BCL2L10: variants seen among roughly 807,000 people sequenced by gnomAD.
BCL2L10 encodes the protein BCL2 like 10.
In BCL2L10, 14 loss-of-function variants were observed where a neutral mutation model predicts 11.1. The ratio of observed to expected loss-of-function variants is 1.26; its 90% CI spans 0.83 to 1.96. The LOEUF is 1.96. Ranked by LOEUF, BCL2L10 falls within the 30% of genes most tolerant of loss-of-function variation. The probability of loss-of-function intolerance (pLI) is 0.00; values close to 1 mark genes in which losing one functional copy is unlikely to be tolerated. For missense variants in BCL2L10, 309 were observed against 273.9 expected (o/e 1.13, Z -0.90); for synonymous variants, 154 against 133.4 (o/e 1.15, Z -1.07).
chr15:52,111,173 A>AACACACACACACAC (rs71130130), intron 1 of BCL2L10, among the ~76,000 whole-genome samples: 4,098 of 121,664 alleles, frequency 0.034, 115 homozygotes, highest in Admixed American at 0.041. Context: ...CTCTACTGAA[A>AACACACACACACAC]ACACACACAC....
At chr15:52,111,463 C>T (rs1476969761) in intron 1 of BCL2L10, among the ~76,000 whole-genome samples, 1 of 152,152 alleles carries the variant, frequency 6.6e-6, no homozygotes, top group Non-Finnish European at 1.5e-5. Flanking sequence ...CTATAGGTAT[C>T]CGATAACATG....
chr15:52,112,188 T>C lies in BCL2L10; in HGVS notation c.489+50A>G, dbSNP rs887154551. The C allele has an allele frequency of 1.7e-5, 24 of 1,429,274 alleles. No homozygotes were observed. In the African/African-American group the frequency reaches 3.4e-4, roughly 20 times the overall value. 88.5% of individuals were successfully genotyped at this position (1,429,274 alleles called of 1,614,324 possible). ...CTCACCGTGCCAGCCTCGTGGGCGC[T>C]TCCCGGCTGCCCGTCCCGCCCCGTG... On this transcript the variant is annotated intron_variant, in intron 1 of 1. Transcript: ENST00000260442.
At chr15:52,110,854 G>C (rs1265740929) in intron 1 of BCL2L10, among the ~76,000 whole-genome samples, 1 of 152,198 alleles carries the variant, frequency 6.6e-6, no homozygotes, top group Non-Finnish European at 1.5e-5. Context: ...GGTACAGAGA[G>C]CCCGGAGGGG....
Position 52,109,913 on chromosome 15 carries a change from C to T in BCL2L10, c.550G>A (p.Val184Ile). 6.2e-7 allele frequency: 1 copy of T among 1,613,694 alleles called. No homozygotes were observed. The highest frequency in any genetic ancestry group is 8.5e-7 in the Non-Finnish European group (1 of 1,179,788). The stretch of plus-strand genomic sequence containing the variant: ...AACAAGCATGACAGAAAAGCCTGGA[C>T]CAGCTGTTTTCTCCAAAAAGCCAGT... ...FPLAFWRKQLVQAFLSCLLTT... is the reference protein window; with the variant it reads ...FPLAFWRKQLIQAFLSCLLTT... Residue 184 changes from valine to isoleucine, a missense_variant, in exon 2 of 2, where the codon GTC becomes ATC. By Grantham distance (29) the Val-to-Ile change is conservative. Coordinates refer to ENST00000260442, the MANE Select transcript of BCL2L10 (RefSeq NM_020396.4).
In BCL2L10 at chr15:52,112,285, G is replaced by A. The variant is rs751413041; in HGVS notation, c.442C>T (p.Arg148Trp). 16 of 1,552,380 alleles carry A rather than the reference G, an allele frequency of 1.0e-5. No individual in the cohort carries two copies. The South Asian group carries it at 1.9e-4, about 18-fold the overall frequency. The change falls in exon 1 of 2, where the codon CGG (arginine) becomes TGG (tryptophan). Residue 148 changes from arginine to tryptophan, a missense_variant. Coordinates refer to ENST00000260442, the MANE Select transcript of BCL2L10 (RefSeq NM_020396.4). ...CQRLVALLSSRLMGQHRAWLQ... is the reference protein window; with the variant it reads ...CQRLVALLSSWLMGQHRAWLQ... The stretch of plus-strand genomic sequence containing the variant: ...CAGGCGCGGTGCTGCCCCATGAGCC[G>A]CGAGCTCAGCAAGGCCACCAGGCGC...
chr15:52,112,071 C>A, intron 1 of BCL2L10, 167 bp downstream of exon 1: 1 of 1,305,964 alleles, frequency 7.7e-7, no homozygotes, highest in Non-Finnish European at 9.9e-7. Flanking sequence ...GGAGGAGAAA[C>A]CCCAGACTTC....
intron 1 of BCL2L10, 84 bp downstream of exon 1, chr15:52,112,154 G>C: frequency 1.4e-6 from 2 of 1,399,862 alleles, no homozygotes; most frequent in Non-Finnish European, 1.8e-6. Context: ...GGCCTGGCGC[G>C]GTGGGTTCCT....
rs943269795 is a variant in BCL2L10 at position 52,112,124 on chromosome 15, T to C, written c.489+114A>G. ...CCCGCTGAAACGAGCCTTTCTGCTT[T>C]CACGAAACCTCGTTCCAGGGGCCTG... On this transcript the variant is annotated intron_variant, in intron 1 of 1. Transcript: ENST00000260442. 3.7e-5 allele frequency: 51 copies of C among 1,390,134 alleles called. No individual in the cohort carries two copies. The Admixed American group carries it at 1.1e-3, about 31-fold the overall frequency. 86.1% of individuals were successfully genotyped at this position (1,390,134 alleles called of 1,614,324 possible).
At chr15:52,111,927 G>T (rs998208594) in intron 1 of BCL2L10, among the ~76,000 whole-genome samples, 1 of 152,206 alleles carries the variant, frequency 6.6e-6, no homozygotes, top group Non-Finnish European at 1.5e-5. Flanking sequence ...GACCTAACGT[G>T]GGTGCCCCCC....
chr15:52,110,031 A>C, intron 1 of BCL2L10, 58 bp from the exon 2 acceptor site: 1 of 1,474,562 alleles, frequency 6.8e-7, no homozygotes, highest in Non-Finnish European at 9.2e-7. Flanking sequence ...CCTCACTCAA[A>C]ACACGCAGGA....
Position 52,112,690 on chromosome 15 carries a change from C to G in BCL2L10, c.37G>C (p.Asp13His), listed in dbSNP as rs1038445053. 3.2e-6 allele frequency: 5 copies of G among 1,538,850 alleles called. No individual in the cohort carries two copies. In the South Asian group the frequency reaches 4.7e-5, roughly 15 times the overall value. Reference protein sequence around the residue: ...DQLRERTTMADPLRERTELLL... With the variant: ...DQLRERTTMAHPLRERTELLL... Reference sequence around the variant, plus strand: ...AGCTCGGTGCGCTCCCGCAGCGGGTCGGCCATGGTGGTGCGCTCCCGCAAC... The same window carrying G: ...AGCTCGGTGCGCTCCCGCAGCGGGTGGGCCATGGTGGTGCGCTCCCGCAAC... Residue 13 changes from aspartate to histidine, a missense_variant, in exon 1 of 2, where the codon GAC becomes CAC. Transcript: ENST00000260442.
In BCL2L10 at chr15:52,109,932, A is replaced by T. The variant is rs1461221475; in HGVS notation, c.531T>A (p.Ala177=). Residue 177 remains alanine, a synonymous_variant, in exon 2 of 2, where the codon GCT becomes GCA. Coordinates refer to ENST00000260442, the MANE Select transcript of BCL2L10 (RefSeq NM_020396.4). ...CHFFRTPFPL[A]FWRKQLVQAF... ...CCTGGACCAGCTGTTTTCTCCAAAA[A>T]GCCAGTGGAAAGGGGGTCCTGAAGA... 6.2e-7 allele frequency: 1 copy of T among 1,613,824 alleles called. No homozygotes were observed. Among genetic ancestry groups the T allele is most frequent in the Admixed American group, 1.7e-5 (1 of 59,992 alleles).
At position 52,109,764 on chromosome 15, in the gene BCL2L10, C is replaced by T; in HGVS notation, c.*84G>A. On this transcript the variant is annotated 3_prime_UTR_variant, in exon 2 of 2. Coordinates refer to ENST00000260442, the MANE Select transcript of BCL2L10 (RefSeq NM_020396.4). ...AAAACGTCTGGGGTGGGGGAAGGTG[C>T]TTTCCCTCAGTTCTTGTTCTCACAC... 1 of 1,556,504 alleles carries T rather than the reference C, an allele frequency of 6.4e-7. No individual in the cohort carries two copies.
Position 52,109,777 on chromosome 15 carries a change from C to A in BCL2L10, c.*71G>T. ...TGGGGGAAGGTGCTTTCCCTCAGTTCTTGTTCTCACACATCTGTCATTTAG... is the reference window on the plus strand; with the variant it reads ...TGGGGGAAGGTGCTTTCCCTCAGTTATTGTTCTCACACATCTGTCATTTAG... On this transcript the variant is annotated 3_prime_UTR_variant, in exon 2 of 2. Coordinates refer to ENST00000260442, the MANE Select transcript of BCL2L10 (RefSeq NM_020396.4). 2 of 1,586,810 alleles carry A rather than the reference C, an allele frequency of 1.3e-6. No individual in the cohort carries two copies. Among genetic ancestry groups the A allele is most frequent in the South Asian group, 2.3e-5 (2 of 88,114 alleles).
In BCL2L10 at chr15:52,112,275, C is replaced by T; in HGVS notation, c.452G>A (p.Gly151Glu). 1 of 1,544,782 alleles carries T rather than the reference C, an allele frequency of 6.5e-7. No individual in the cohort carries two copies. Among genetic ancestry groups the T allele is most frequent in the Non-Finnish European group, 8.7e-7 (1 of 1,151,822 alleles). ...AGCCTGCAGCCAGGCGCGGTGCTGC[C>T]CCATGAGCCGCGAGCTCAGCAAGGC... ...LVALLSSRLM[G>E]QHRAWLQAQG... is the part of the protein sequence containing the mutation. The change falls in exon 1 of 2, where the codon GGG (glycine) becomes GAG (glutamate). Residue 151 changes from glycine to glutamate, a missense_variant. Transcript: ENST00000260442.
chr15:52,110,799 A>C (rs1162393237), intron 1 of BCL2L10, among the ~76,000 whole-genome samples: 1 of 152,132 alleles, frequency 6.6e-6, no homozygotes, highest in African/African-American at 2.4e-5. Flanking sequence ...AAAAACAACA[A>C]AAAAAGGCTT....
In BCL2L10 at chr15:52,112,361, G is replaced by T. The variant is rs766057327; in HGVS notation, c.366C>A (p.Gly122=). The change falls in exon 1 of 2, where the codon GGC becomes GGA. Residue 122 remains glycine, a synonymous_variant. Coordinates refer to ENST00000260442, the MANE Select transcript of BCL2L10 (RefSeq NM_020396.4). The part of the protein sequence containing the change: ...PLVTARWKKW[G]FQPRLKEQEG... The stretch of plus-strand genomic sequence containing the variant: ...CCTGCTCCTTTAGCCGCGGCTGGAA[G>T]CCCCACTTCTTCCACCGGGCGGTCA... The T allele has an allele frequency of 1.2e-6, 2 of 1,603,270 alleles. No homozygotes were observed. The highest frequency in any genetic ancestry group is 8.5e-7 in the Non-Finnish European group (1 of 1,178,834).
At chr15:52,110,341 A>G (rs1176230439) in intron 1 of BCL2L10, among the ~76,000 whole-genome samples, 2 of 152,060 alleles carry the variant, frequency 1.3e-5, no homozygotes, top group African/African-American at 2.4e-5. Flanking sequence ...GCAAGCACCA[A>G]CCCCATTTAG....
Position 52,112,469 on chromosome 15 carries a change from G to C in BCL2L10, c.258C>G (p.Leu86=). 6.2e-7 allele frequency: 1 copy of C among 1,604,950 alleles called. No homozygotes were observed. The highest frequency in any genetic ancestry group is 8.5e-7 in the Non-Finnish European group (1 of 1,179,256). The change falls in exon 1 of 2, where the codon CTC becomes CTG. Residue 86 remains leucine, a synonymous_variant. Transcript: ENST00000260442. ...CCCAGGTGGGGCCGGGGCTGTCGGA[G>C]AGCACGGAATCCGCCATCAGCGCCA... ...ELVALMADSV[L]SDSPGPTWGR...
Sources: gnomAD v4.1 joint callset for allele counts (sites outside exome capture counted in the v4.1 genomes callset) on GRCh38, gnomAD v4.1.1 for gene constraint, MANE v1.5 for transcripts, NCBI Gene and HGNC (gene_info 2026-07-23, HGNC 2026-07-21) for gene names.